The following MAPK15 variants were observed in gnomAD, a reference collection of about 807,000 sequenced individuals.
MAPK15 encodes the protein mitogen-activated protein kinase 15.
A neutral mutation model predicts 60.8 loss-of-function variants in MAPK15; 61 were observed. That is an observed-to-expected ratio of 1.00 (90% CI 0.82 to 1.24). The LOEUF (loss-of-function observed/expected upper bound fraction) is 1.24. Among genes scored for constraint, MAPK15 ranks in the 50% most tolerant of loss-of-function variants. The probability of loss-of-function intolerance (pLI) is 0.00; values close to 1 mark genes in which losing one functional copy is unlikely to be tolerated. For missense variants in MAPK15, 808 were observed against 741.1 expected (o/e 1.09, Z -1.05); for synonymous variants, 356 against 319.9 (o/e 1.11, Z -1.21).
chr8:143,716,585 T>A, intron 1 of MAPK15, 142 bp downstream of exon 1: 2 of 685,512 alleles, frequency 2.9e-6, no homozygotes, highest in Non-Finnish European at 4.6e-6. Context: ...GGAGAGGTGG[T>A]CTGGAGCCCC....
chr8:143,720,875 G>A lies in MAPK15; in HGVS notation c.917+35G>A. On this transcript the variant is annotated intron_variant, in intron 9 of 13. Transcript: ENST00000338033. The surrounding 1 kb of genome is among the most constrained non-coding windows in gnomAD (Gnocchi z 4.6). ...GGAGAGAGTCCCCCAAGTGCGGGGG[G>A]ACAGAGGTGGGGGCAGGAGAGAGCC... 6.2e-7 allele frequency: 1 copy of A among 1,603,582 alleles called. No homozygotes were observed. Among genetic ancestry groups the A allele is most frequent in the Non-Finnish European group, 8.5e-7 (1 of 1,176,250 alleles).
intron 4 of MAPK15, chr8:143,718,554 T>A (rs1817903017): frequency 3.2e-6 from 2 of 629,540 alleles, no homozygotes; most frequent in South Asian, 3.9e-5. Flanking sequence ...TTCTCCTTTT[T>A]CTTCTCATTT....
chr8:143,719,162 A>G lies in MAPK15; in HGVS notation c.581+6A>G. The G allele has an allele frequency of 6.6e-7, 1 of 1,513,012 alleles. No individual in the cohort carries two copies. The highest frequency in any genetic ancestry group is 1.2e-5 in the South Asian group (1 of 81,104). The allele number at this position is 1,513,012 out of a possible 1,614,324, so 93.7% of individuals were successfully genotyped here. On this transcript the variant is annotated splice_donor_region_variant and intron_variant, in intron 6 of 13. Transcript: ENST00000338033. Reference sequence around the variant, plus strand: ...GTGCTGCTCTCTTCGCACCGGTAATAGCGAGACATCCCCAACCCCCCCTCC... The same window carrying G: ...GTGCTGCTCTCTTCGCACCGGTAATGGCGAGACATCCCCAACCCCCCCTCC...
In MAPK15 at chr8:143,720,377, T is replaced by C. The variant is rs1486626882; in HGVS notation, c.779+90T>C. 2.7e-6 allele frequency: 4 copies of C among 1,463,640 alleles called. No homozygotes were observed. The highest frequency in any genetic ancestry group is 3.6e-6 in the Non-Finnish European group (4 of 1,104,040). The allele number at this position is 1,463,640 out of a possible 1,614,324, so 90.7% of individuals were successfully genotyped here. ...CTGCAAGTTTACTGGGGCCAGTTTG[T>C]ACCAGTTCAGATTCTGCCTGTTTTC... On this transcript the variant is annotated intron_variant, in intron 8 of 13. Coordinates refer to ENST00000338033, the MANE Select transcript of MAPK15 (RefSeq NM_139021.3). The surrounding 1 kb of genome is among the most constrained non-coding windows in gnomAD (Gnocchi z 4.6).
At position 143,719,373 on chromosome 8, in the gene MAPK15, G is replaced by C; in HGVS notation, c.612G>C (p.Leu204=). The change falls in exon 7 of 14, where the codon CTG becomes CTC. Residue 204 remains leucine (L), a synonymous_variant. Coordinates refer to ENST00000338033, the MANE Select transcript of MAPK15 (RefSeq NM_139021.3). ...RYTLGVDMWS[L]GCILGEMLRG... ...CCCTTGGGGTGGACATGTGGAGTCT[G>C]GGCTGTATCCTGGGGGAGATGCTGC... The C allele has an allele frequency of 6.2e-7, 1 of 1,611,350 alleles. No individual in the cohort carries two copies. The highest frequency in any genetic ancestry group is 1.1e-5 in the South Asian group (1 of 90,648).
In MAPK15 at chr8:143,720,232, C is replaced by A; in HGVS notation, c.724C>A (p.Leu242Ile). ...ETIPPPSEED[L>I]LALGSGCRAS... ...CACACCACCTTCTGCTGCCCCAGAC[C>A]TCCTGGCTCTCGGCTCAGGCTGCCG... The change falls in exon 8 of 14, where the codon CTC becomes ATC. Residue 242 changes from leucine (L) to isoleucine (I), a missense_variant and splice_region_variant. By Grantham distance (5) the Leu-to-Ile change is conservative. Transcript: ENST00000338033. This position sits in a 1 kb window ranked among gnomAD's most constrained non-coding sequence, Gnocchi z 4.6. 6.3e-7 allele frequency: 1 copy of A among 1,576,554 alleles called. No homozygotes were observed. The highest frequency in any genetic ancestry group is 2.3e-5 in the East Asian group (1 of 43,124).
rs367573344 is a variant in MAPK15 at position 143,716,853 on chromosome 8, G to C, written c.66+410G>C. ...GGCGAGGCCCGAGAAGGGCCTGAGC[G>C]GTTATGGGGTGGGCGCAGAGTGAAG... On this transcript the variant is annotated intron_variant, in intron 1 of 13. Transcript: ENST00000338033. Among the ~76,000 whole-genome samples, 35 of 152,318 alleles carry C rather than the reference G, an allele frequency of 2.3e-4. No individual in the cohort carries two copies. The South Asian group carries it at 7.2e-3, about 32-fold the overall frequency.
chr8:143,721,668 TC>T lies in MAPK15; in HGVS notation c.1325del (p.Ser442CysfsTer3), dbSNP rs782145246. 1 of 1,608,842 alleles carries T rather than the reference TC, an allele frequency of 6.2e-7. No homozygotes were observed. The highest frequency in any genetic ancestry group is 8.5e-7 in the Non-Finnish European group (1 of 1,177,018). On this transcript the variant is annotated frameshift_variant, in exon 12 of 14. Transcript: ENST00000338033. LOFTEE classifies it high-confidence loss of function. ...GAKEAPPLTL[S>X]LVKPSGRGAA... Reference sequence around the variant, plus strand: ...GAAGGAAGCGCCCCCCTTGACACTCTCGCTGGTAAGTCATGGTGGGGCGGGC... The same window carrying T: ...GAAGGAAGCGCCCCCCTTGACACTCTGCTGGTAAGTCATGGTGGGGCGGGC...
rs376463847 is a variant in MAPK15 at position 143,717,812 on chromosome 8, C to T, written c.165+20C>T. ...GCCCAGGTGAGTGTGTGGGGAGAAG[C>T]GTGGGAGAGGATGGGGGCAGGGAGG... On this transcript the variant is annotated intron_variant, in intron 2 of 13. Coordinates refer to ENST00000338033, the MANE Select transcript of MAPK15 (RefSeq NM_139021.3). 3.9e-4 allele frequency: 619 copies of T among 1,600,862 alleles called. 3 individuals carry two copies. The highest frequency in any genetic ancestry group is 2.1e-3 in the South Asian group (191 of 89,746).
At chr8:143,717,217 AC>A (rs59106067) in intron 1 of MAPK15, among the ~76,000 whole-genome samples, 8,887 of 152,196 alleles carry the variant, frequency 0.058, 529 homozygotes, top group African/African-American at 0.15. Flanking sequence ...GTGGGTGTGC[AC>A]GGGAGCGGCA....
Position 143,718,925 on chromosome 8 carries a change from G to T in MAPK15, c.417+20G>T. 6.3e-7 allele frequency: 1 copy of T among 1,598,334 alleles called. No homozygotes were observed. The highest frequency in any genetic ancestry group is 8.5e-7 in the Non-Finnish European group (1 of 1,171,404). On this transcript the variant is annotated intron_variant, in intron 5 of 13. Transcript: ENST00000338033. Reference sequence around the variant, plus strand: ...CAGAAGGTGCGGTTCCCCCGCCCCCGCTATGCCACGTGGCCCGGCTCCCGG... The same window carrying T: ...CAGAAGGTGCGGTTCCCCCGCCCCCTCTATGCCACGTGGCCCGGCTCCCGG...
Position 143,722,325 on chromosome 8 carries a change from C to A in MAPK15, c.*74C>A. On this transcript the variant is annotated 3_prime_UTR_variant, in exon 14 of 14. Transcript: ENST00000338033. ...CCCCAGACCCCTCTCCAGTCTCCTG[C>A]ACCCCTTAGCCCTCCCTGCTTTGCC... The A allele has an allele frequency of 7.4e-7, 1 of 1,348,502 alleles. No individual in the cohort carries two copies. The highest frequency in any genetic ancestry group is 1.4e-5 in the South Asian group (1 of 69,766). 83.5% of individuals were successfully genotyped at this position (1,348,502 alleles called of 1,614,324 possible).
rs1554619740 is a variant in MAPK15 at position 143,721,248 on chromosome 8, AGGCAGCAG to A, written c.1042_1049del (p.Gly348ArgfsTer30). ...TCCCGCAGATGATCCTGGAGTGTGG[AGGCAGCAG>A]CGGCACCTCGAGAGAGAAGGGCCCG... On this transcript the variant is annotated frameshift_variant, in exon 11 of 14. Coordinates refer to ENST00000338033, the MANE Select transcript of MAPK15 (RefSeq NM_139021.3). LOFTEE classifies it high-confidence loss of function. 5 of 1,611,270 alleles carry A rather than the reference AGGCAGCAG, an allele frequency of 3.1e-6. No individual in the cohort carries two copies. The highest frequency in any genetic ancestry group is 4.2e-6 in the Non-Finnish European group (5 of 1,178,856).
Position 143,718,071 on chromosome 8 carries a change from C to T in MAPK15, c.190C>T (p.Leu64Phe). ...AQRTFREITL[L>F]QEFGDHPNII... is the part of the protein sequence containing the mutation. ...GAGAACATTCCGGGAAATCACGCTC[C>T]TCCAGGTGAGTGGCCTGGGCCCTCC... Residue 64 changes from leucine to phenylalanine, a missense_variant, in exon 3 of 14, where the codon CTC becomes TTC. Coordinates refer to ENST00000338033, the MANE Select transcript of MAPK15 (RefSeq NM_139021.3). 16 of 1,614,144 alleles carry T rather than the reference C, an allele frequency of 9.9e-6. No homozygotes were observed. The highest frequency in any genetic ancestry group is 1.4e-5 in the Non-Finnish European group (16 of 1,180,006).
intron 13 of MAPK15, 90 bp from the exon 14 acceptor site, chr8:143,721,985 G>T: frequency 6.6e-7 from 1 of 1,507,258 alleles, no homozygotes. Flanking sequence ...CCCCTCCAAT[G>T]TCCAGTTCAA....
At chr8:143,717,573 C>A in intron 1 of MAPK15, 121 bp from the exon 2 acceptor site, 1 of 819,894 alleles carries the variant, frequency 1.2e-6, no homozygotes, top group Non-Finnish European at 2.0e-6. Context: ...CGGGAGCCCA[C>A]ACTCCCATCC....
chr8:143,721,482 C>G (rs932243472), intron 11 of MAPK15, 67 bp from the exon 12 acceptor site: 2 of 1,611,678 alleles, frequency 1.2e-6, no homozygotes, highest in South Asian at 2.2e-5. Flanking sequence ...GCCAACTATG[C>G]GCAGCATTCG....
Position 143,721,049 on chromosome 8 carries a change from C to G in MAPK15, c.967C>G (p.Arg323Gly). Residue 323 changes from arginine to glycine, a missense_variant, in exon 10 of 14, where the codon CGG becomes GGG. Transcript: ENST00000338033. Reference sequence around the variant, plus strand: ...GGCACGAGAGGCAGATGTGCGGCCCCGGGCACACGAAGGGGTCCAGCTCTC... The same window carrying G: ...GGCACGAGAGGCAGATGTGCGGCCCGGGGCACACGAAGGGGTCCAGCTCTC... Reference protein sequence around the residue: ...EWAREADVRPRAHEGVQLSVP... With the variant: ...EWAREADVRPGAHEGVQLSVP... 1.2e-6 allele frequency: 2 copies of G among 1,612,096 alleles called. No individual in the cohort carries two copies. The highest frequency in any genetic ancestry group is 1.7e-6 in the Non-Finnish European group (2 of 1,179,638).
rs1253673946 is a variant in MAPK15, at chr8:143,720,173, C to T, written c.722-57C>T. 2 of 1,541,852 alleles carry T rather than the reference C, an allele frequency of 1.3e-6. No individual in the cohort carries two copies. Among genetic ancestry groups the T allele is most frequent in the South Asian group, 1.2e-5 (1 of 83,992 alleles). On this transcript the variant is annotated intron_variant, in intron 7 of 13. Transcript: ENST00000338033. The surrounding 1 kb of genome is among the most constrained non-coding windows in gnomAD (Gnocchi z 4.6). ...GAAGAGATGACTGGCCCCAGATGCCCTGAGCCGCCCCAGCCGACCAGGCCT... is the reference window on the plus strand; with the variant it reads ...GAAGAGATGACTGGCCCCAGATGCCTTGAGCCGCCCCAGCCGACCAGGCCT...
Sources: allele counts gnomAD v4.1 joint callset (sites outside exome capture counted in the v4.1 genomes callset), GRCh38; gene constraint gnomAD v4.1.1; non-coding constraint Gnocchi (gnomAD v3.1); transcripts MANE v1.5; gene names NCBI Gene and HGNC (gene_info 2026-07-23, HGNC 2026-07-21).